LRMDA: variants seen among roughly 807,000 people sequenced by gnomAD.
LRMDA encodes the protein leucine rich melanocyte differentiation associated.
Under a neutral mutation model 29.8 loss-of-function variants are expected in LRMDA, and 18 were observed. The ratio of observed to expected loss-of-function variants is 0.60; its 90% CI spans 0.42 to 0.90. LRMDA has a LOEUF of 0.90. Ranked by LOEUF, LRMDA falls within the 40% of genes least tolerant of loss-of-function variation. The pLI, the probability that LRMDA is intolerant of heterozygous loss-of-function variation, is 0.00. For synonymous variants in LRMDA, 125 were observed against 109.4 expected, an observed-to-expected ratio of 1.14 and a Z score of -0.89; for missense variants, 273 against 273.9, an observed-to-expected ratio of 1.00 and a Z score of 0.02.
intron 6 of LRMDA, among the ~76,000 whole-genome samples, chr10:76,451,724 C>G (rs1842409242): frequency 6.8e-6 from 1 of 146,852 alleles, no homozygotes; most frequent in Non-Finnish European, 1.5e-5. Context: ...ATGGTGTGCT[C>G]TTGTCTCAAC....
At chr10:75,790,764 G>A (rs1244636166) in intron 2 of LRMDA, among the ~76,000 whole-genome samples, 1 of 152,210 alleles carries the variant, frequency 6.6e-6, no homozygotes, top group Non-Finnish European at 1.5e-5. Context: ...TAAACAAAGA[G>A]ATATGTAGTC....
At chr10:75,834,245 C>A (rs191771396) in intron 2 of LRMDA, among the ~76,000 whole-genome samples, 33 of 152,266 alleles carry the variant, frequency 2.2e-4, no homozygotes, top group African/African-American at 7.7e-4. Context: ...TCCTCCATAG[C>A]TTTTTCTGGA....
intron 2 of LRMDA, among the ~76,000 whole-genome samples, chr10:75,577,127 G>A (rs1840516419): frequency 1.3e-5 from 2 of 152,198 alleles, no homozygotes; most frequent in Non-Finnish European, 2.9e-5. Context: ...ATGCAAGGAA[G>A]CTAAGACCCT....
At chr10:76,384,364 C>T (rs529408844) in intron 6 of LRMDA, among the ~76,000 whole-genome samples, 47 of 152,254 alleles carry the variant, frequency 3.1e-4, no homozygotes, top group Non-Finnish European at 2.1e-4. Context: ...AGAGAAGTTT[C>T]GGCCAGGGAA....
chr10:76,235,614 C>T (rs569706259), intron 5 of LRMDA, among the ~76,000 whole-genome samples: 2 of 152,184 alleles, frequency 1.3e-5, no homozygotes, highest in Admixed American at 6.5e-5. Flanking sequence ...CACCTCTATT[C>T]TCCTCTCTTG....
intron 2 of LRMDA, among the ~76,000 whole-genome samples, chr10:76,024,638 T>A (rs1196798315): frequency 1.3e-5 from 2 of 152,180 alleles, no homozygotes; most frequent in Non-Finnish European, 2.9e-5. Context: ...CTGGCCTGAG[T>A]CCATTCCAGG....
chr10:75,617,632 T>C (rs1460885154), intron 2 of LRMDA, among the ~76,000 whole-genome samples: 1 of 152,162 alleles, frequency 6.6e-6, no homozygotes, highest in Non-Finnish European at 1.5e-5. Context: ...TTGCTACTTC[T>C]CTGTCTACAC....
chr10:75,572,092 T>G (rs937323905), intron 2 of LRMDA, among the ~76,000 whole-genome samples: 2 of 152,252 alleles, frequency 1.3e-5, no homozygotes, highest in East Asian at 3.9e-4. Context: ...TAGCTGGGAC[T>G]ACAGGTGCAC....
At chr10:75,849,048 A>G (rs1844687779) in intron 2 of LRMDA, among the ~76,000 whole-genome samples, 2 of 152,078 alleles carry the variant, frequency 1.3e-5, no homozygotes. Context: ...TGCCTCTGGT[A>G]GCTTCTCTGG....
At chr10:75,753,780 G>A (rs1490837916) in intron 2 of LRMDA, among the ~76,000 whole-genome samples, 4 of 152,244 alleles carry the variant, frequency 2.6e-5, no homozygotes, top group Non-Finnish European at 5.9e-5. Flanking sequence ...GGTTAGAAAT[G>A]AGGCAGGCAA....
chr10:76,379,161 TTG>T (rs57245101), intron 6 of LRMDA, among the ~76,000 whole-genome samples: 2,995 of 137,782 alleles, frequency 0.022, 44 homozygotes, highest in African/African-American at 0.049. Context: ...CTGGCCTTCT[TTG>T]TGTGTGTGTG....
intron 5 of LRMDA, among the ~76,000 whole-genome samples, chr10:76,078,932 C>T (rs1158311031): frequency 6.6e-6 from 1 of 152,180 alleles, no homozygotes; most frequent in Non-Finnish European, 1.5e-5. Context: ...CCATTAACAC[C>T]AAGCCTCAGT....
intron 2 of LRMDA, among the ~76,000 whole-genome samples, chr10:75,679,231 T>C (rs1841996565): frequency 6.6e-6 from 1 of 152,254 alleles, no homozygotes; most frequent in Non-Finnish European, 1.5e-5. Context: ...CTTGTTTTTC[T>C]TTTCTAAAAC....
chr10:76,317,150 A>T (rs1264464158), intron 5 of LRMDA, among the ~76,000 whole-genome samples: 1 of 152,102 alleles, frequency 6.6e-6, no homozygotes. Flanking sequence ...AGTCAGGCTG[A>T]TTTGGTTTCT....
chr10:76,531,482 T>C (rs1032299593), intron 6 of LRMDA, among the ~76,000 whole-genome samples: 14 of 152,198 alleles, frequency 9.2e-5, no homozygotes, highest in East Asian at 1.9e-4. Flanking sequence ...CCTGTGTTGC[T>C]GAGAGTTTTA....
chr10:75,614,754 G>A (rs1841077951), intron 2 of LRMDA, among the ~76,000 whole-genome samples: 1 of 152,036 alleles, frequency 6.6e-6, no homozygotes, highest in African/African-American at 2.4e-5. Flanking sequence ...TAATATACAA[G>A]GAGGTTTTGT....
intron 2 of LRMDA, among the ~76,000 whole-genome samples, chr10:75,638,864 G>T (rs1841418679): frequency 6.6e-6 from 1 of 152,178 alleles, no homozygotes; most frequent in African/African-American, 2.4e-5. Context: ...AAGAGTAGAT[G>T]CTGGATATAG....
chr10:76,173,080 C>A (rs2132195458), intron 5 of LRMDA, among the ~76,000 whole-genome samples: 1 of 152,090 alleles, frequency 6.6e-6, no homozygotes, highest in South Asian at 2.1e-4. Flanking sequence ...TAATGAGCAT[C>A]AGACCCAAAG....
At chr10:76,058,525 G>A in intron 4 of LRMDA, 141 bp from the exon 5 acceptor site, 1 of 706,944 alleles carries the variant, frequency 1.4e-6, no homozygotes, top group Non-Finnish European at 2.5e-6. Context: ...TTTATTCTTT[G>A]TGAAAGAAGA....
Sources: gnomAD v4.1 joint callset for allele counts (sites outside exome capture counted in the v4.1 genomes callset) on GRCh38, gnomAD v4.1.1 for gene constraint, MANE v1.5 for transcripts, NCBI Gene and HGNC (gene_info 2026-07-23, HGNC 2026-07-21) for gene names.